The following ADAM20 variants were observed in gnomAD, a reference collection of about 807,000 sequenced individuals.
ADAM20 encodes disintegrin and metalloproteinase domain-containing protein 20.
For missense variants in ADAM20, 871 were observed against 883.2 expected (o/e 0.99, Z 0.18); for synonymous variants, 305 against 310.2 (o/e 0.98, Z 0.18).
the ADAM20 span, among the ~76,000 whole-genome samples, chr14:70,573,458 G>A: frequency 6.6e-6 from 1 of 152,144 alleles, no homozygotes; most frequent in Admixed American, 6.5e-5. Flanking sequence ...GAAAGAGTTG[G>A]AAAAACTACC....
the ADAM20 span, among the ~76,000 whole-genome samples, chr14:70,545,138 T>C: frequency 6.6e-6 from 1 of 152,242 alleles, no homozygotes; most frequent in Admixed American, 6.5e-5. Flanking sequence ...AAAGCTCCAC[T>C]GATCATCCCC....
the ADAM20 span, among the ~76,000 whole-genome samples, chr14:70,568,783 C>T: frequency 3.3e-5 from 5 of 152,064 alleles, no homozygotes; most frequent in African/African-American, 9.7e-5. Context: ...AATTTCAGAA[C>T]TTGAAGGCTG....
At chr14:70,571,720 C>T in the ADAM20 span, among the ~76,000 whole-genome samples, 6 of 152,132 alleles carry the variant, frequency 3.9e-5, no homozygotes, top group Non-Finnish European at 8.8e-5. Flanking sequence ...TTGACATAGT[C>T]CTGTACCTAG....
intron 1 of ADAM20, among the ~76,000 whole-genome samples, chr14:70,533,015 T>C (rs1883745928): frequency 6.6e-6 from 1 of 152,164 alleles, no homozygotes; most frequent in Non-Finnish European, 1.5e-5. Flanking sequence ...GGATGTTCTG[T>C]ACGCTCCAAA....
upstream of ADAM20, among the ~76,000 whole-genome samples, chr14:70,535,421 A>G (rs1187352130): frequency 6.6e-6 from 1 of 152,212 alleles, no homozygotes; most frequent in Non-Finnish European, 1.5e-5. Context: ...GGAAGGGGGA[A>G]AACTTTGAGA....
chr14:70,523,813 TC>T lies in ADAM20; in HGVS notation c.944del (p.Gly315GlufsTer51). On this transcript the variant is annotated frameshift_variant, in exon 2 of 2. Transcript: ENST00000256389. LOFTEE classifies it low-confidence loss of function (END_TRUNC). ...CAGTATTAAAAGGATTCTGGCATAT[TC>T]CTTTAACATAGGCAACACCAAGCTT... is the stretch of plus-strand genomic sequence containing the variant. ...GMKLGVAYVK[G>X]ICQNPFNTGV... 6.2e-7 allele frequency: 1 copy of T among 1,614,030 alleles called. No individual in the cohort carries two copies. Among genetic ancestry groups the T allele is most frequent in the Non-Finnish European group, 8.5e-7 (1 of 1,179,964 alleles).
the ADAM20 span, among the ~76,000 whole-genome samples, chr14:70,577,823 T>C: frequency 2.0e-5 from 3 of 152,150 alleles, no homozygotes; most frequent in Non-Finnish European, 4.4e-5. Context: ...AAACCGGATA[T>C]ACACATGCAA....
At chr14:70,541,383 A>C in the ADAM20 span, among the ~76,000 whole-genome samples, 1 of 152,246 alleles carries the variant, frequency 6.6e-6, no homozygotes, top group Non-Finnish European at 1.5e-5. Flanking sequence ...AATTGTTTTA[A>C]GTTGAATAAA....
chr14:70,569,519 G>C, the ADAM20 span, among the ~76,000 whole-genome samples: 1 of 152,044 alleles, frequency 6.6e-6, no homozygotes, highest in Non-Finnish European at 1.5e-5. Flanking sequence ...GCCTTCAATA[G>C]ATCTACCTCA....
chr14:70,571,152 A>C, the ADAM20 span, among the ~76,000 whole-genome samples: 1 of 152,138 alleles, frequency 6.6e-6, no homozygotes, highest in Non-Finnish European at 1.5e-5. Flanking sequence ...CATCATACTG[A>C]ATGGGCAAAT....
At chr14:70,569,798 T>C in the ADAM20 span, among the ~76,000 whole-genome samples, 3 of 145,968 alleles carry the variant, frequency 2.1e-5, no homozygotes, top group African/African-American at 7.6e-5. Context: ...ACTAGTAGAC[T>C]TCAGAGATAC....
the ADAM20 span, among the ~76,000 whole-genome samples, chr14:70,542,703 C>A: frequency 3.9e-5 from 6 of 152,196 alleles, no homozygotes; most frequent in Admixed American, 2.6e-4. Context: ...CTTTGGGAGG[C>A]CAAGGTGGGC....
At chr14:70,561,762 C>A in the ADAM20 span, among the ~76,000 whole-genome samples, 1 of 152,254 alleles carries the variant, frequency 6.6e-6, no homozygotes, top group Non-Finnish European at 1.5e-5. Context: ...AAGCCCCAAG[C>A]CTTGGCAGCT....
the ADAM20 span, among the ~76,000 whole-genome samples, chr14:70,543,412 T>C: frequency 6.6e-6 from 1 of 152,230 alleles, no homozygotes; most frequent in Non-Finnish European, 1.5e-5. Context: ...CAATTACTAA[T>C]AGAAAATAAC....
chr14:70,536,016 A>G (rs962228958), upstream of ADAM20, among the ~76,000 whole-genome samples: 1 of 152,238 alleles, frequency 6.6e-6, no homozygotes, highest in African/African-American at 2.4e-5. Flanking sequence ...TAGTAAGGAA[A>G]TAGAAAACTT....
chr14:70,550,698 T>G, the ADAM20 span, among the ~76,000 whole-genome samples: 1 of 36,544 alleles, frequency 2.7e-5, no homozygotes, highest in East Asian at 9.5e-4. Flanking sequence ...CAGGACCAGA[T>G]GGATTCACAG....
At chr14:70,572,916 C>A in the ADAM20 span, among the ~76,000 whole-genome samples, 7 of 151,454 alleles carry the variant, frequency 4.6e-5, 1 homozygote, top group Middle Eastern at 3.4e-3. Flanking sequence ...ATGGCTATTA[C>A]TAAAAAGTAA....
the ADAM20 span, among the ~76,000 whole-genome samples, chr14:70,559,398 C>CGA: frequency 6.6e-6 from 1 of 152,064 alleles, no homozygotes. Flanking sequence ...CTCACCATCC[C>CGA]CATCATTATC....
At chr14:70,558,152 T>C in the ADAM20 span, among the ~76,000 whole-genome samples, 1 of 152,088 alleles carries the variant, frequency 6.6e-6, no homozygotes, top group Non-Finnish European at 1.5e-5. Flanking sequence ...TTGTAAAATC[T>C]GAAGGAGAAA....
Sources: allele counts gnomAD v4.1 joint callset (sites outside exome capture counted in the v4.1 genomes callset), GRCh38; gene constraint gnomAD v4.1.1; transcripts MANE v1.5; gene names NCBI Gene and HGNC (gene_info 2026-07-23, HGNC 2026-07-21).